The following C12orf75 variants were observed in gnomAD, a reference collection of about 807,000 sequenced individuals.
C12orf75 encodes chromosome 12 open reading frame 75, also known as overexpressed in colon carcinoma 1 protein.
A neutral mutation model predicts 11.4 loss-of-function variants in C12orf75; 4 were observed. That is an observed-to-expected ratio of 0.35 (90% CI 0.17 to 0.80). The LOEUF (loss-of-function observed/expected upper bound fraction) is 0.80, where lower values mean the gene tolerates loss of function less well. Ranked by LOEUF, C12orf75 falls within the 30% of genes least tolerant of loss-of-function variation. The probability of loss-of-function intolerance (pLI) is 0.52; values close to 1 mark genes in which losing one functional copy is unlikely to be tolerated. For missense variants in C12orf75, 89 were observed against 80.4 expected (o/e 1.11, Z -0.41); for synonymous variants, 30 against 30.0 (o/e 1.00, Z 0.00).
chr12:105,366,427 T>A (rs908353820), intron 3 of C12orf75, 190 bp from the exon 4 acceptor site: 249 of 375,060 alleles, frequency 6.6e-4, no homozygotes, highest in Non-Finnish European at 7.4e-4. Context: ...TTCTTTTTTT[T>A]AAAAAAAATA....
At chr12:105,360,281 G>A (rs531568259) in intron 2 of C12orf75, among the ~76,000 whole-genome samples, 1 of 152,338 alleles carries the variant, frequency 6.6e-6, no homozygotes, top group Non-Finnish European at 1.5e-5. Flanking sequence ...CGGCTGCAGA[G>A]CATGCAGTGG....
At chr12:105,349,573 A>G (rs748994416) in intron 2 of C12orf75, among the ~76,000 whole-genome samples, 9 of 152,212 alleles carry the variant, frequency 5.9e-5, no homozygotes, top group African/African-American at 2.2e-4. Flanking sequence ...AAAGCCTTCA[A>G]TGGTCAAATA....
rs770358536 is a variant in C12orf75 at position 105,366,713 on chromosome 12, G to A, written c.187+17G>A. The A allele has an allele frequency of 3.1e-5, 42 of 1,356,942 alleles. No homozygotes were observed. The highest frequency in any genetic ancestry group is 3.5e-4 in the Middle Eastern group (2 of 5,660). The allele number at this position is 1,356,942 out of a possible 1,614,324, so 84.1% of individuals were successfully genotyped here. Reference sequence around the variant, plus strand: ...TTCGGAAAAGTAAGTGAAATCATGTGCTGTTGATTTTCCCTAATTATTTAT... The same window carrying A: ...TTCGGAAAAGTAAGTGAAATCATGTACTGTTGATTTTCCCTAATTATTTAT... On this transcript the variant is annotated intron_variant, in intron 4 of 5. Coordinates refer to ENST00000443585, the MANE Select transcript of C12orf75 (RefSeq NM_001145199.2).
At chr12:105,340,437 A>T (rs1207936201) in intron 1 of C12orf75, among the ~76,000 whole-genome samples, 3 of 151,712 alleles carry the variant, frequency 2.0e-5, no homozygotes, top group Non-Finnish European at 4.4e-5. Flanking sequence ...CGCCAAAAAA[A>T]AAAAAAAAAA....
chr12:105,365,898 G>A lies in C12orf75; in HGVS notation c.107+56G>A, dbSNP rs1021060752. ...TGAATGGTTTTGGCCATACCTCATG[G>A]ATTTAACACACTGTAGCATATTCCC... On this transcript the variant is annotated intron_variant, in intron 3 of 5. Coordinates refer to ENST00000443585, the MANE Select transcript of C12orf75 (RefSeq NM_001145199.2). The A allele has an allele frequency of 2.8e-6, 3 of 1,058,952 alleles. No individual in the cohort carries two copies. In the African/African-American group the frequency reaches 4.7e-5, roughly 17 times the overall value. 65.6% of individuals were successfully genotyped at this position (1,058,952 alleles called of 1,614,324 possible).
intron 2 of C12orf75, among the ~76,000 whole-genome samples, chr12:105,349,922 A>G (rs1248577210): frequency 6.6e-6 from 1 of 152,196 alleles, no homozygotes; most frequent in African/African-American, 2.4e-5. Context: ...TCTTATTACA[A>G]AGAATTTAGA....
In C12orf75 at chr12:105,330,758, G is replaced by GC. The variant is rs1177078158; in HGVS notation, c.-129dup. 1.0e-5 allele frequency: 9 copies of GC among 891,842 alleles called. No individual in the cohort carries two copies. The East Asian group carries it at 2.4e-4, about 24-fold the overall frequency. The allele number at this position is 891,842 out of a possible 1,614,324, so 55.2% of individuals were successfully genotyped here. A position where few individuals can be genotyped will look rare whatever the true frequency, so the allele number is the denominator to read the frequency against. On this transcript the variant is annotated 5_prime_UTR_variant, in exon 1 of 6. Coordinates refer to ENST00000443585, the MANE Select transcript of C12orf75 (RefSeq NM_001145199.2). ...CGTCTCCCGGCGGTGGGAGGGGGCG[G>GC]CCCCCACTCGGTTCCTGGCCCCTCG...
intron 2 of C12orf75, among the ~76,000 whole-genome samples, chr12:105,362,258 G>A (rs1892878755): frequency 6.6e-6 from 1 of 151,414 alleles, no homozygotes; most frequent in Non-Finnish European, 1.5e-5. Context: ...TGTGGCGGGC[G>A]CCTGTAGTCC....
intron 1 of C12orf75, among the ~76,000 whole-genome samples, chr12:105,331,662 G>A (rs902164192): frequency 5.9e-5 from 9 of 151,648 alleles, no homozygotes; most frequent in African/African-American, 2.2e-4. Flanking sequence ...ATGTTGATTG[G>A]CAGGCAAGGT....
intron 5 of C12orf75, among the ~76,000 whole-genome samples, chr12:105,369,716 T>C (rs1367565515): frequency 6.6e-6 from 1 of 152,220 alleles, no homozygotes; most frequent in Admixed American, 6.5e-5. Context: ...GATGTTTAGC[T>C]GTCTCTAAAC....
chr12:105,340,025 A>G (rs1892548024), intron 1 of C12orf75, among the ~76,000 whole-genome samples: 1 of 152,248 alleles, frequency 6.6e-6, no homozygotes. Flanking sequence ...TACTGAAGAC[A>G]TGCTGGACAG....
At chr12:105,358,965 T>C (rs1325321813) in intron 2 of C12orf75, among the ~76,000 whole-genome samples, 2 of 152,208 alleles carry the variant, frequency 1.3e-5, no homozygotes, top group African/African-American at 4.8e-5. Flanking sequence ...TCCCTTCCCT[T>C]GGGTCTTCCT....
intron 2 of C12orf75, among the ~76,000 whole-genome samples, chr12:105,364,319 T>C (rs913464250): frequency 6.6e-6 from 1 of 152,184 alleles, no homozygotes; most frequent in African/African-American, 2.4e-5. Context: ...CTTTGACACT[T>C]GAACTAAAAA....
intron 5 of C12orf75, among the ~76,000 whole-genome samples, chr12:105,369,270 C>CA (rs35129678): frequency 0.22 from 33,678 of 152,048 alleles, 4,069 homozygotes; most frequent in African/African-American, 0.29. Flanking sequence ...AACACTTTAG[C>CA]ATAATCCTGG....
At chr12:105,349,974 A>G (rs937087104) in intron 2 of C12orf75, among the ~76,000 whole-genome samples, 4 of 152,254 alleles carry the variant, frequency 2.6e-5, no homozygotes, top group Admixed American at 6.5e-5. Context: ...GGAATTAAAT[A>G]TTTAAATATG....
At chr12:105,331,929 G>A (rs1892433581) in intron 1 of C12orf75, among the ~76,000 whole-genome samples, 1 of 152,236 alleles carries the variant, frequency 6.6e-6, no homozygotes, top group Non-Finnish European at 1.5e-5. Context: ...CTAGGCGGCT[G>A]TGGAGGCCCT....
At chr12:105,342,278 A>G (rs535957635) in intron 1 of C12orf75, among the ~76,000 whole-genome samples, 10 of 152,192 alleles carry the variant, frequency 6.6e-5, no homozygotes, top group African/African-American at 2.4e-4. Flanking sequence ...AAACTGGGGG[A>G]CGAATGGAAT....
chr12:105,362,818 G>A (rs138242158), intron 2 of C12orf75, among the ~76,000 whole-genome samples: 99 of 152,324 alleles, frequency 6.5e-4, no homozygotes, highest in African/African-American at 2.2e-3. Flanking sequence ...AGCTTCGTAA[G>A]TTCGGTCATG....
chr12:105,365,352 A>T (rs569731959), intron 2 of C12orf75, among the ~76,000 whole-genome samples: 14 of 152,312 alleles, frequency 9.2e-5, no homozygotes, highest in African/African-American at 3.4e-4. Flanking sequence ...GTCATAAGAG[A>T]TCTAAAACCA....
Sources: allele counts gnomAD v4.1 joint callset (sites outside exome capture counted in the v4.1 genomes callset), GRCh38; gene constraint gnomAD v4.1.1; transcripts MANE v1.5; gene names NCBI Gene and HGNC (gene_info 2026-07-23, HGNC 2026-07-21).